ARFGEF1: variants seen among roughly 807,000 people sequenced by gnomAD.
ARFGEF1 encodes ARF guanine nucleotide exchange factor 1.
In ARFGEF1, 42 loss-of-function variants were observed where a neutral mutation model predicts 231.0. The observed-to-expected ratio is 0.18, with a 90% CI of 0.14 to 0.24. The LOEUF is 0.24. Ranked by LOEUF, ARFGEF1 falls within the 10% of genes least tolerant of loss-of-function variation. The pLI is 1.00. For missense variants in ARFGEF1, 1,345 were observed against 2,192.0 expected, an observed-to-expected ratio of 0.61 and a Z score of 7.72; for synonymous variants, 710 against 732.3, an observed-to-expected ratio of 0.97 and a Z score of 0.49.
intron 5 of ARFGEF1, among the ~76,000 whole-genome samples, chr8:67,189,732 T>C (rs552178584): frequency 6.6e-6 from 1 of 152,304 alleles, no homozygotes; most frequent in South Asian, 2.1e-4. Context: ...AACTTATTGG[T>C]GTAGCAAAGA....
At chr8:67,337,211 C>T (rs1226064820) in intron 1 of ARFGEF1, among the ~76,000 whole-genome samples, 1 of 149,390 alleles carries the variant, frequency 6.7e-6, no homozygotes, top group Non-Finnish European at 1.5e-5. Context: ...CCTATTATAT[C>T]ATCTGAAAAT....
chr8:67,211,636 C>T (rs775041538), intron 33 of ARFGEF1, 21 bp from the exon 34 acceptor site: 2 of 1,353,822 alleles, frequency 1.5e-6, no homozygotes, highest in South Asian at 3.2e-5. Flanking sequence ...AAAAAAAAAT[C>T]ACTGTAAGTA....
Position 67,256,842 on chromosome 8 carries a change from T to C in ARFGEF1, c.2526+890A>G, listed in dbSNP as rs1265650015. ...TAGATATCAGGTATTTTTAAATTATTGTTAACTTTTTAGGTATGCTGGTAT... is the reference window on the plus strand; with the variant it reads ...TAGATATCAGGTATTTTTAAATTATCGTTAACTTTTTAGGTATGCTGGTAT... On this transcript the variant is annotated intron_variant, in intron 17 of 38. Transcript: ENST00000262215. Among the ~76,000 whole-genome samples the C allele has an allele frequency of 2.0e-5, 3 of 152,204 alleles. No homozygotes were observed. The East Asian group carries it at 5.8e-4, about 29-fold the overall frequency.
At chr8:67,267,813 A>G (rs2128894440) in intron 10 of ARFGEF1, among the ~76,000 whole-genome samples, 1 of 152,306 alleles carries the variant, frequency 6.6e-6, no homozygotes, top group Non-Finnish European at 1.5e-5. Context: ...TTCATCAGTT[A>G]TATTTTTCAG....
chr8:67,187,114 G>C (rs1174903572), intron 5 of ARFGEF1, among the ~76,000 whole-genome samples: 1 of 152,090 alleles, frequency 6.6e-6, no homozygotes. Context: ...TGCACAGGAT[G>C]ACTCAGTATT....
At chr8:67,265,124 A>G (rs531696893) in intron 14 of ARFGEF1, among the ~76,000 whole-genome samples, 2 of 152,292 alleles carry the variant, frequency 1.3e-5, no homozygotes, top group Admixed American at 1.3e-4. Context: ...TGACTGAACA[A>G]TTAGAATTAA....
intron 14 of ARFGEF1, among the ~76,000 whole-genome samples, chr8:67,263,897 T>C (rs1253371455): frequency 6.6e-6 from 1 of 152,168 alleles, no homozygotes; most frequent in African/African-American, 2.4e-5. Context: ...TGGAACTATT[T>C]TGAAGAACAA....
chr8:67,186,759 T>G (rs1379318033), intron 5 of ARFGEF1, among the ~76,000 whole-genome samples: 1 of 152,138 alleles, frequency 6.6e-6, no homozygotes, highest in African/African-American at 2.4e-5. Context: ...GACATGATTG[T>G]CTATAGAAAA....
rs150286262 is a variant in ARFGEF1, at chr8:67,218,112, G to T, written c.4365C>A (p.Cys1455Ter). Residue 1455 changes from cysteine to a stop codon, truncating the protein, a stop_gained, in exon 31 of 39, where the codon TGC becomes TGA. Coordinates refer to ENST00000262215, the MANE Select transcript of ARFGEF1 (RefSeq NM_006421.5). LOFTEE classifies it high-confidence loss of function. Reference protein sequence around the residue: ...TEKAEWMTTTCNHALYAICDV... With the variant: ...TEKAEWMTTT ...CACAGATTGCATAAAGTGCATGATT[G>T]CAAGTTGTTGTCATCCATTCAGCTT... 6.6e-7 allele frequency: 1 copy of T among 1,516,216 alleles called. No individual in the cohort carries two copies. 93.9% of individuals were successfully genotyped at this position (1,516,216 alleles called of 1,614,324 possible).
At chr8:67,243,676 T>C (rs1260028229) in intron 19 of ARFGEF1, among the ~76,000 whole-genome samples, 3 of 152,230 alleles carry the variant, frequency 2.0e-5, no homozygotes, top group East Asian at 3.9e-4. Flanking sequence ...AAGACTACAA[T>C]AAACACCTAA....
chr8:67,337,571 TTCTC>T (rs914815017), intron 1 of ARFGEF1, among the ~76,000 whole-genome samples: 7 of 151,906 alleles, frequency 4.6e-5, no homozygotes, highest in South Asian at 2.1e-4. Flanking sequence ...CCTCCCATCT[TTCTC>T]TCTGTCTCTC....
rs528708960 is a variant in ARFGEF1, at chr8:67,281,465, TAA to T, written c.1028-4010_1028-4009del. On this transcript the variant is annotated intron_variant, in intron 7 of 38. Transcript: ENST00000262215. ...AAACAAGAAAACTTACTTAATTTGA[TAA>T]AGAGTATCCTCCAAAAACAAAAGCA... 6.3e-3 allele frequency among the ~76,000 whole-genome samples: 963 copies of T among 151,944 alleles called. 6 individuals carry two copies. Among genetic ancestry groups the T allele is most frequent in the Non-Finnish European group, 0.01 (687 of 67,952 alleles).
rs992939814 is a variant in ARFGEF1, at chr8:67,252,777, G to A, written c.2698+674C>T. 5.7e-4 allele frequency among the ~76,000 whole-genome samples: 86 copies of A among 152,162 alleles called. 5 individuals are homozygous for A. Among genetic ancestry groups the A allele is most frequent in the Non-Finnish European group, 1.5e-5 (1 of 68,044 alleles). ...TTAGACCTAAGGACTCTACAGTGAT[G>A]TAACTTGTGGTCTGTTTGAGGTAGA... On this transcript the variant is annotated intron_variant, in intron 18 of 38. Coordinates refer to ENST00000262215, the MANE Select transcript of ARFGEF1 (RefSeq NM_006421.5).
At chr8:67,190,673 G>C (rs754283581) in intron 5 of ARFGEF1, 1 of 1,614,108 alleles carries the variant, frequency 6.2e-7, no homozygotes, top group South Asian at 1.1e-5. Context: ...GACATATCCT[G>C]CCATTGAAGA....
chr8:67,184,909 C>T (rs1252955575), intron 5 of ARFGEF1, among the ~76,000 whole-genome samples: 2 of 132,116 alleles, frequency 1.5e-5, no homozygotes, highest in African/African-American at 2.8e-5. Context: ...ACCATCCTGG[C>T]TAACACGGTG....
intron 7 of ARFGEF1, among the ~76,000 whole-genome samples, chr8:67,287,608 T>C (rs937464391): frequency 4.6e-5 from 7 of 152,254 alleles, no homozygotes; most frequent in Non-Finnish European, 1.0e-4. Context: ...GTCTTCTTGA[T>C]TCAATATACA....
At position 67,203,093 on chromosome 8, in the gene ARFGEF1, C is replaced by G. The variant is rs778315506; in HGVS notation, c.5118G>C (p.Leu1706=). Residue 1706 remains leucine (L), a synonymous_variant, in exon 36 of 39, where the codon CTG becomes CTC. Coordinates refer to ENST00000262215, the MANE Select transcript of ARFGEF1 (RefSeq NM_006421.5). ...GCGTGTGCAGCTTACCTGCTTTCCA[C>G]AGGGCAGTCCTCTGTTCGTTGTTGG... ...FNSNNEQRTA[L]WKAGFKGKSK... 1 of 1,612,594 alleles carries G rather than the reference C, an allele frequency of 6.2e-7. No homozygotes were observed. Among genetic ancestry groups the G allele is most frequent in the Non-Finnish European group, 8.5e-7 (1 of 1,179,406 alleles).
At chr8:67,335,321 G>C (rs1808294065) in intron 1 of ARFGEF1, among the ~76,000 whole-genome samples, 1 of 152,010 alleles carries the variant, frequency 6.6e-6, no homozygotes, top group East Asian at 1.9e-4. Flanking sequence ...TAGCCAGGAT[G>C]GTCTCGATCT....
intron 33 of ARFGEF1, among the ~76,000 whole-genome samples, chr8:67,215,082 G>A (rs942749667): frequency 1.2e-4 from 18 of 152,070 alleles, no homozygotes; most frequent in Non-Finnish European, 1.9e-4. Context: ...CAATGAGATC[G>A]TATATCTTAT....
Sources: gnomAD v4.1 joint callset for allele counts (sites outside exome capture counted in the v4.1 genomes callset) on GRCh38, gnomAD v4.1.1 for gene constraint, MANE v1.5 for transcripts, NCBI Gene and HGNC (gene_info 2026-07-23, HGNC 2026-07-21) for gene names.